Variants in DENND6A observed in about 807,000 individuals in gnomAD.
DENND6A encodes protein DENND6A.
In DENND6A, 43 loss-of-function variants were observed where a neutral mutation model predicts 95.5. The observed-to-expected ratio is 0.45, with a 90% CI of 0.35 to 0.58. The LOEUF (loss-of-function observed/expected upper bound fraction) is 0.58. Among genes scored for constraint, DENND6A ranks in the 20% least tolerant of loss-of-function variants. The pLI, the probability that DENND6A is intolerant of heterozygous loss-of-function variation, is 0.00. For missense variants in DENND6A, 574 were observed against 736.0 expected (o/e 0.78, Z 2.55); for synonymous variants, 257 against 260.4 (o/e 0.99, Z 0.13).
rs750368222 is a variant in DENND6A, at chr3:57,645,775, A to T, written c.942-19T>A. ...AATACAGCTGTGGAGCAGGAAGAAC[A>T]TGTAAAATAAAGGACACAGAAATTA... On this transcript the variant is annotated intron_variant, in intron 10 of 19. Transcript: ENST00000311128. The T allele has an allele frequency of 5.7e-6, 9 of 1,580,652 alleles. No individual in the cohort carries two copies. The highest frequency in any genetic ancestry group is 7.8e-6 in the Non-Finnish European group (9 of 1,152,448).
Position 57,693,028 on chromosome 3 carries a change from C to T in DENND6A, c.-10G>A, listed in dbSNP as rs552319522. 2 of 1,405,294 alleles carry T rather than the reference C, an allele frequency of 1.4e-6. No homozygotes were observed. The highest frequency in any genetic ancestry group is 1.5e-5 in the African/African-American group (1 of 66,002). 87.1% of individuals were successfully genotyped at this position (1,405,294 alleles called of 1,614,324 possible). On this transcript the variant is annotated 5_prime_UTR_variant, in exon 1 of 20. Transcript: ENST00000311128. ...GGCCCCTCAAAGCCATCGGCCGCCC[C>T]CTGACCGTTCGCGCCGCCTCCACAG...
chr3:57,645,699 A>G lies in DENND6A; in HGVS notation c.999T>C (p.Asp333=), dbSNP rs748204166. 6.2e-7 allele frequency: 1 copy of G among 1,613,394 alleles called. No homozygotes were observed. The highest frequency in any genetic ancestry group is 1.1e-5 in the South Asian group (1 of 91,034). Residue 333 remains aspartate, a synonymous_variant, in exon 11 of 20, where the codon GAT becomes GAC. Transcript: ENST00000311128. ...GGGTAGTATATTCTTTGAATTCACT[A>G]TCATGAATAGTGAAATAAGGTCGGA... ...SDFRPYFTIH[D]SEFKEYTTRT...
chr3:57,677,025 T>C (rs1045757976), intron 1 of DENND6A, among the ~76,000 whole-genome samples: 11 of 152,178 alleles, frequency 7.2e-5, no homozygotes, highest in African/African-American at 2.4e-4. Context: ...GGTTTCACCA[T>C]GTTGGCTAGG....
intron 1 of DENND6A, among the ~76,000 whole-genome samples, chr3:57,682,073 T>C (rs191526790): frequency 1.3e-5 from 2 of 152,246 alleles, no homozygotes; most frequent in Admixed American, 1.3e-4. Context: ...CCCATTGAGC[T>C]TGAGGTTTTC....
At chr3:57,648,842 C>T (rs2071133822) in intron 9 of DENND6A, among the ~76,000 whole-genome samples, 1 of 152,178 alleles carries the variant, frequency 6.6e-6, no homozygotes, top group Admixed American at 6.5e-5. Flanking sequence ...GGATCCTCAT[C>T]TCTCATCCTT....
At position 57,680,672 on chromosome 3, in the gene DENND6A, T is replaced by C. The variant is rs577861644; in HGVS notation, c.238-8234A>G. 4.5e-4 allele frequency among the ~76,000 whole-genome samples: 69 copies of C among 152,290 alleles called. No homozygotes were observed. In the Middle Eastern group the frequency reaches 0.014, roughly 30 times the overall value. On this transcript the variant is annotated intron_variant, in intron 1 of 19. Transcript: ENST00000311128. Reference sequence around the variant, plus strand: ...TAATATAACTAATAAGGGTCTAGTATATAAAATACATAAAGAACTCTTAAA... The same window carrying C: ...TAATATAACTAATAAGGGTCTAGTACATAAAATACATAAAGAACTCTTAAA...
At position 57,663,685 on chromosome 3, in the gene DENND6A, T is replaced by G; in HGVS notation, c.464A>C (p.Tyr155Ser). 2 of 1,585,000 alleles carry G rather than the reference T, an allele frequency of 1.3e-6. No individual in the cohort carries two copies. Among genetic ancestry groups the G allele is most frequent in the Non-Finnish European group, 1.7e-6 (2 of 1,163,578 alleles). ...KDPAYFYGYV[Y>S]FRQVRDKTLK... The stretch of plus-strand genomic sequence containing the variant: ...AGTTTTATCTCGAACTTGTCGGAAA[T>G]ACACATATCCATAAAAATAAGCAGG... Residue 155 changes from tyrosine (Y) to serine (S), a missense_variant, in exon 5 of 20, where the codon TAT becomes TCT. Tyr to Ser is a moderately radical substitution (Grantham distance 144). Coordinates refer to ENST00000311128, the MANE Select transcript of DENND6A (RefSeq NM_152678.3).
At chr3:57,651,282 A>C (rs1039529202) in intron 9 of DENND6A, among the ~76,000 whole-genome samples, 2 of 152,212 alleles carry the variant, frequency 1.3e-5, no homozygotes, top group African/African-American at 4.8e-5. Flanking sequence ...CTTTCAACTT[A>C]CAATTTGCAA....
Position 57,689,248 on chromosome 3 carries a change from C to T in DENND6A, c.237+3534G>A, listed in dbSNP as rs149509245. ...AATTACAGGCATGAGCCGCCATGCC[C>T]GGCCTAGTGTTTATGATTTCTTTAC... is the stretch of plus-strand genomic sequence containing the variant. On this transcript the variant is annotated intron_variant, in intron 1 of 19. Transcript: ENST00000311128. Among the ~76,000 whole-genome samples the T allele has an allele frequency of 8.6e-3, 1,303 of 151,516 alleles. 14 individuals carry two copies. The highest frequency in any genetic ancestry group is 0.05 in the South Asian group (241 of 4,808).
intron 3 of DENND6A, among the ~76,000 whole-genome samples, chr3:57,669,672 G>A (rs1264409128): frequency 1.3e-5 from 2 of 151,232 alleles, no homozygotes; most frequent in Non-Finnish European, 2.9e-5. Context: ...TGGAGATCGC[G>A]CCACTGCGCT....
chr3:57,690,401 G>A (rs2077252006), intron 1 of DENND6A, among the ~76,000 whole-genome samples: 1 of 152,144 alleles, frequency 6.6e-6, no homozygotes, highest in African/African-American at 2.4e-5. Context: ...CAACTTGGGA[G>A]GCTGAGGCAG....
At chr3:57,676,984 C>A (rs926129602) in intron 1 of DENND6A, among the ~76,000 whole-genome samples, 2 of 152,018 alleles carry the variant, frequency 1.3e-5, no homozygotes, top group African/African-American at 4.8e-5. Flanking sequence ...CCACCATGCC[C>A]AGTTAATTCT....
chr3:57,688,519 C>T (rs1293178349), intron 1 of DENND6A, among the ~76,000 whole-genome samples: 1 of 152,014 alleles, frequency 6.6e-6, no homozygotes, highest in Non-Finnish European at 1.5e-5. Context: ...CAATCAGATA[C>T]TCCAATATTA....
chr3:57,658,999 C>A, intron 8 of DENND6A, 119 bp downstream of exon 8: 1 of 837,024 alleles, frequency 1.2e-6, no homozygotes, highest in Non-Finnish European at 1.8e-6. Context: ...TTTAATGGGA[C>A]ATTTCAGTAA....
rs148121872 is a variant in DENND6A, at chr3:57,640,777, T to G, written c.1132+876A>C. On this transcript the variant is annotated intron_variant, in intron 12 of 19. Transcript: ENST00000311128. ...CTACGCCCAAACCATGAAATAAATG[T>G]CAAGATTAAATTAAGATTTAAAAAA... is the stretch of plus-strand genomic sequence containing the variant. Among the ~76,000 whole-genome samples the G allele has an allele frequency of 3.3e-5, 5 of 152,220 alleles. 1 individual carries two copies. The East Asian group carries it at 9.7e-4, about 29-fold the overall frequency.
Position 57,692,772 on chromosome 3 carries a change from C to T in DENND6A, c.237+10G>A, listed in dbSNP as rs768032544. 2.0e-6 allele frequency: 3 copies of T among 1,484,382 alleles called. No homozygotes were observed. Among genetic ancestry groups the T allele is most frequent in the Non-Finnish European group, 2.7e-6 (3 of 1,123,034 alleles). 92.0% of individuals were successfully genotyped at this position (1,484,382 alleles called of 1,614,324 possible). ...GAGGAGCGCCGAGAAAGGGCGGGGC[C>T]GGGCCTCACCTCCACGGCCTGGCCC... On this transcript the variant is annotated intron_variant, in intron 1 of 19. Coordinates refer to ENST00000311128, the MANE Select transcript of DENND6A (RefSeq NM_152678.3).
Position 57,661,493 on chromosome 3 carries a change from T to C in DENND6A, c.572A>G (p.Gln191Arg). 6.3e-7 allele frequency: 1 copy of C among 1,586,230 alleles called. No homozygotes were observed. Among genetic ancestry groups the C allele is most frequent in the Non-Finnish European group, 8.5e-7 (1 of 1,173,714 alleles). ...YIHFFHTVLK[Q>R]IAPEYFEKNE... ...CTTTTCAAAATACTCTGGTGCTATC[T>C]GTTTGAGCACAGTGTGAAAAAAATG... The change falls in exon 6 of 20, where the codon CAG becomes CGG. Residue 191 changes from glutamine to arginine, a missense_variant. Gln to Arg is a conservative substitution (Grantham distance 43). This residue lies in a region of DENND6A where 452 missense variants were observed against 630.9 expected (regional missense o/e 0.72). Transcript: ENST00000311128.
chr3:57,693,064 C>G lies in DENND6A; in HGVS notation c.-46G>C, dbSNP rs934220349. 2 of 1,338,750 alleles carry G rather than the reference C, an allele frequency of 1.5e-6. No individual in the cohort carries two copies. The highest frequency in any genetic ancestry group is 2.8e-4 in the Middle Eastern group (1 of 3,624). The allele number at this position is 1,338,750 out of a possible 1,614,324, so 82.9% of individuals were successfully genotyped here. On this transcript the variant is annotated 5_prime_UTR_variant, in exon 1 of 20. Transcript: ENST00000311128. ...GCGCCGCCTCCACAGCGGACCGCGC[C>G]GCAGAGCGCGCTTGCCTCCGCGCAG...
At chr3:57,628,704 C>CA (rs1315745104) in intron 19 of DENND6A, 107 bp downstream of exon 19, 1 of 1,167,556 alleles carries the variant, frequency 8.6e-7, no homozygotes, top group African/African-American at 1.5e-5. Context: ...CAAGCCCTCT[C>CA]ATTTAAAAAG....
Sources: allele counts gnomAD v4.1 joint callset (sites outside exome capture counted in the v4.1 genomes callset), GRCh38; gene constraint gnomAD v4.1.1; regional missense constraint gnomAD v4.1.1; transcripts MANE v1.5; gene names NCBI Gene and HGNC (gene_info 2026-07-23, HGNC 2026-07-21).